Variants in SLC4A4 observed in about 807,000 individuals in gnomAD.
The protein encoded by SLC4A4 is solute carrier family 4 member 4.
SLC4A4 carries 27 observed loss-of-function variants against 111.5 expected under a neutral mutation model. The observed-to-expected ratio is 0.24, with a 90% confidence interval of 0.18 to 0.33. SLC4A4 has a LOEUF of 0.33. Among genes scored for constraint, SLC4A4 ranks in the 10% least tolerant of loss-of-function variants. SLC4A4 has a pLI of 1.00. For missense variants in SLC4A4, 909 were observed against 1,315.5 expected (o/e 0.69, Z 4.78); for synonymous variants, 443 against 463.4 (o/e 0.96, Z 0.57).
intron 6 of SLC4A4, among the ~76,000 whole-genome samples, chr4:71,389,939 A>G (rs936692755): frequency 6.6e-6 from 1 of 152,150 alleles, no homozygotes; most frequent in Non-Finnish European, 1.5e-5. Flanking sequence ...AAGCAAAAAT[A>G]CCCAAACTGA....
At chr4:71,272,550 T>C (rs1369014031) in intron 3 of SLC4A4, among the ~76,000 whole-genome samples, 1 of 152,094 alleles carries the variant, frequency 6.6e-6, no homozygotes, top group Non-Finnish European at 1.5e-5. Context: ...AAAAAATGGA[T>C]CTGGACTCTT....
intron 3 of SLC4A4, among the ~76,000 whole-genome samples, chr4:71,337,851 A>G (rs1189246219): frequency 6.6e-6 from 1 of 151,804 alleles, no homozygotes; most frequent in African/African-American, 2.4e-5. Flanking sequence ...TAATTTATAG[A>G]CAGGGTCTTG....
chr4:71,369,205 C>T (rs1052755961), intron 6 of SLC4A4, among the ~76,000 whole-genome samples: 12 of 152,144 alleles, frequency 7.9e-5, no homozygotes, highest in African/African-American at 1.4e-4. Flanking sequence ...GCAGGAAGAT[C>T]GGGCTCATGG....
intron 15 of SLC4A4, among the ~76,000 whole-genome samples, chr4:71,493,669 G>T: frequency 6.7e-6 from 1 of 149,918 alleles, no homozygotes; most frequent in Non-Finnish European, 1.5e-5. Context: ...CTCTTTCTCC[G>T]TCCCTCTCTC....
chr4:71,499,604 G>A (rs1214889624), intron 16 of SLC4A4, among the ~76,000 whole-genome samples: 2 of 152,090 alleles, frequency 1.3e-5, no homozygotes, highest in East Asian at 3.9e-4. Context: ...CCTCCAGTAG[G>A]CACCATTCTA....
chr4:71,555,616 A>G (rs1736400996), intron 21 of SLC4A4, among the ~76,000 whole-genome samples: 1 of 151,942 alleles, frequency 6.6e-6, no homozygotes, highest in African/African-American at 2.4e-5. Context: ...TTTGCTTTTC[A>G]CATGGCTATG....
intron 7 of SLC4A4, among the ~76,000 whole-genome samples, chr4:71,421,687 C>G (rs966579595): frequency 2.0e-5 from 3 of 152,176 alleles, no homozygotes; most frequent in African/African-American, 4.8e-5. Flanking sequence ...GAAACTCACT[C>G]AAAACCCCTC....
At chr4:71,322,972 G>T (rs953215316) in intron 3 of SLC4A4, among the ~76,000 whole-genome samples, 2 of 151,878 alleles carry the variant, frequency 1.3e-5, no homozygotes, top group Non-Finnish European at 2.9e-5. Context: ...ACCATGGCCA[G>T]TCCTGGTTCA....
In SLC4A4 at chr4:71,087,020, G is replaced by A. The variant is rs188362224; in HGVS notation, c.-64-5710G>A. On this transcript the variant is annotated intron_variant, in intron 1 of 26. Transcript: ENST00000649996. The stretch of plus-strand genomic sequence containing the variant: ...TGTACCTCTGGTAGAATTCGGCTGC[G>A]AATCCATCTGGTCCTGGACTTTTTT... Among the ~76,000 whole-genome samples the A allele has an allele frequency of 1.2e-3, 188 of 152,114 alleles. 3 individuals carry two copies. The highest frequency in any genetic ancestry group is 4.4e-3 in the African/African-American group (181 of 41,390).
At chr4:71,472,562 TA>T in intron 13 of SLC4A4, 136 bp from the exon 14 acceptor site, 1 of 835,852 alleles carries the variant, frequency 1.2e-6, no homozygotes. Flanking sequence ...GCTTTCTGGC[TA>T]AAGTAGAGTT....
intron 6 of SLC4A4, among the ~76,000 whole-genome samples, chr4:71,368,269 T>C (rs1411895380): frequency 6.6e-6 from 1 of 152,212 alleles, no homozygotes; most frequent in Non-Finnish European, 1.5e-5. Context: ...ACTGTATATG[T>C]AGCCTGCAAC....
intron 1 of SLC4A4, 66 bp from the exon 2 acceptor site, chr4:71,236,510 G>A: frequency 6.9e-7 from 1 of 1,446,836 alleles, no homozygotes; most frequent in Non-Finnish European, 9.6e-7. Flanking sequence ...CCAGAAGCTG[G>A]GCTGCTCCAA....
chr4:71,381,066 C>T (rs1386116768), intron 6 of SLC4A4, among the ~76,000 whole-genome samples: 2 of 152,170 alleles, frequency 1.3e-5, no homozygotes, highest in Non-Finnish European at 2.9e-5. Flanking sequence ...CTGTGATCAG[C>T]TTTTGCCTCA....
intron 8 of SLC4A4, among the ~76,000 whole-genome samples, chr4:71,443,116 C>CTCTCTCTCTCTCTATATATATATA (rs1198759861): frequency 1.5e-5 from 1 of 65,658 alleles, no homozygotes; most frequent in South Asian, 5.3e-4. Flanking sequence ...CTCTCTCTCT[C>CTCTCTCTCTCTCTATATATATATA]TATATATATA....
intron 1 of SLC4A4, among the ~76,000 whole-genome samples, chr4:71,067,234 A>G (rs1235864067): frequency 6.6e-6 from 1 of 152,232 alleles, no homozygotes; most frequent in Non-Finnish European, 1.5e-5. Flanking sequence ...AGGGCAATGC[A>G]AACACAGAAT....
chr4:71,421,534 T>G (rs1412904882), intron 7 of SLC4A4, among the ~76,000 whole-genome samples: 1 of 152,024 alleles, frequency 6.6e-6, no homozygotes, highest in Non-Finnish European at 1.5e-5. Context: ...AGAATATACA[T>G]TTTTTTCAGC....
chr4:71,418,917 A>G lies in SLC4A4; in HGVS notation c.807+21264A>G, dbSNP rs187359616. ...GTTAGTTTTCCTTCTAACAGACAGG[A>G]CACTCAGCTGCAGGTCTGTTGGAGT... is the stretch of plus-strand genomic sequence containing the variant. On this transcript the variant is annotated intron_variant, in intron 7 of 25. Coordinates refer to ENST00000264485, the MANE Select transcript of SLC4A4 (RefSeq NM_001098484.3). Among the ~76,000 whole-genome samples, 1,165 of 152,238 alleles carry G rather than the reference A, an allele frequency of 7.7e-3. 16 individuals carry two copies. Among genetic ancestry groups the G allele is most frequent in the African/African-American group, 0.025 (1,025 of 41,528 alleles).
intron 3 of SLC4A4, among the ~76,000 whole-genome samples, chr4:71,282,085 A>T (rs1175668067): frequency 2.0e-5 from 3 of 152,142 alleles, no homozygotes; most frequent in Admixed American, 6.5e-5. Flanking sequence ...TGTTAAAAAA[A>T]ACCTTGAGAA....
intron 3 of SLC4A4, among the ~76,000 whole-genome samples, chr4:71,278,771 T>A (rs1166685913): frequency 6.6e-6 from 1 of 152,230 alleles, no homozygotes; most frequent in Non-Finnish European, 1.5e-5. Flanking sequence ...TTAGGTCCTT[T>A]GTCCATTTAA....
Sources: allele counts gnomAD v4.1 joint callset (sites outside exome capture counted in the v4.1 genomes callset), GRCh38; gene constraint gnomAD v4.1.1; transcripts MANE v1.5; gene names NCBI Gene and HGNC (gene_info 2026-07-23, HGNC 2026-07-21).